The following INPP5F variants were observed in gnomAD, a reference collection of about 807,000 sequenced individuals.
INPP5F encodes the protein phosphatidylinositide 4-phosphatase SAC2.
Under a neutral mutation model 137.2 loss-of-function variants are expected in INPP5F, and 97 were observed. The observed-to-expected ratio is 0.71, with a 90% CI of 0.60 to 0.84. INPP5F has a LOEUF of 0.84. Among genes scored for constraint, INPP5F ranks in the 40% least tolerant of loss-of-function variants. The pLI is 0.00. For synonymous variants in INPP5F, 504 were observed against 476.9 expected (o/e 1.06, Z -0.74); for missense variants, 1,271 against 1,371.9 (o/e 0.93, Z 1.16).
At chr10:119,762,418 C>T (rs538639837) in intron 2 of INPP5F, among the ~76,000 whole-genome samples, 1 of 152,162 alleles carries the variant, frequency 6.6e-6, no homozygotes, top group Non-Finnish European at 1.5e-5. Context: ...GCACTAATCC[C>T]ATTTGTGATG....
chr10:119,750,076 A>T (rs1042451114), intron 1 of INPP5F, among the ~76,000 whole-genome samples: 2 of 152,190 alleles, frequency 1.3e-5, no homozygotes, highest in Non-Finnish European at 2.9e-5. Context: ...GCCAAAAACA[A>T]GTCAACTTTT....
intron 2 of INPP5F, among the ~76,000 whole-genome samples, chr10:119,776,122 G>A (rs1849514879): frequency 6.6e-6 from 1 of 152,104 alleles, no homozygotes; most frequent in South Asian, 2.1e-4. Flanking sequence ...AGCAAATGAT[G>A]GAGCTAAAAT....
chr10:119,790,440 A>G (rs1768329850), intron 3 of INPP5F, among the ~76,000 whole-genome samples: 1 of 152,196 alleles, frequency 6.6e-6, no homozygotes, highest in South Asian at 2.1e-4. Flanking sequence ...CTGTGTGGAC[A>G]GTTTTTGATA....
intron 15 of INPP5F, among the ~76,000 whole-genome samples, chr10:119,818,332 G>A (rs1851373828): frequency 6.6e-6 from 1 of 152,246 alleles, no homozygotes; most frequent in Non-Finnish European, 1.5e-5. Context: ...AACTTGCTTC[G>A]ACTTGCTTCC....
chr10:119,787,418 C>T lies in INPP5F; in HGVS notation c.316-4099C>T, dbSNP rs565344542. ...TGGCCAACATGGTGAAACCCTGTCT[C>T]TACTAAAAATACAAAACTTAGCCAG... On this transcript the variant is annotated intron_variant, in intron 3 of 19. Transcript: ENST00000650623. This position sits in a 1 kb window ranked among gnomAD's most constrained non-coding sequence, Gnocchi z 4.1. 3.5e-4 allele frequency among the ~76,000 whole-genome samples: 54 copies of T among 152,234 alleles called. No homozygotes were observed. Among genetic ancestry groups the T allele is most frequent in the Middle Eastern group, 3.4e-3 (1 of 294 alleles).
Position 119,797,648 on chromosome 10 carries a change from G to A in INPP5F, c.1048+8G>A. The A allele has an allele frequency of 6.3e-7, 1 of 1,587,196 alleles. No individual in the cohort carries two copies. The highest frequency in any genetic ancestry group is 1.3e-5 in the African/African-American group (1 of 74,098). On this transcript the variant is annotated splice_region_variant and intron_variant, in intron 8 of 19. Coordinates refer to ENST00000650623, the MANE Select transcript of INPP5F (RefSeq NM_014937.4). ...GACCGCGGCTGGACAGAAGTAAGCA[G>A]GTCAATTATTGGGTTTGCAAATGAT...
intron 4 of INPP5F, 71 bp downstream of exon 4, chr10:119,791,716 T>C: frequency 1.4e-6 from 2 of 1,426,728 alleles, no homozygotes; most frequent in African/African-American, 1.4e-5. Flanking sequence ...AATTCTCCAC[T>C]CAGAAAATTT....
Position 119,795,123 on chromosome 10 carries a change from G to C in INPP5F, c.670-1592G>C, listed in dbSNP as rs1341871509. On this transcript the variant is annotated intron_variant, in intron 6 of 19. Transcript: ENST00000650623. Reference sequence around the variant, plus strand: ...TCCCGGACGGGGCGGCTGGCCGGGCGGGGGGCTGACCCCCCCACCTCCCTC... The same window carrying C: ...TCCCGGACGGGGCGGCTGGCCGGGCCGGGGGCTGACCCCCCCACCTCCCTC... Among the ~76,000 whole-genome samples, 16 of 144,810 alleles carry C rather than the reference G, an allele frequency of 1.1e-4. No individual in the cohort carries two copies. The East Asian group carries it at 1.7e-3, about 15-fold the overall frequency.
chr10:119,792,705 G>C (rs557318525), intron 6 of INPP5F, among the ~76,000 whole-genome samples: 26 of 151,678 alleles, frequency 1.7e-4, no homozygotes, highest in South Asian at 6.3e-4. Flanking sequence ...TGAGATTATT[G>C]CAAGAAGTTC....
At chr10:119,791,702 A>T in intron 4 of INPP5F, 57 bp downstream of exon 4, 2 of 1,471,228 alleles carry the variant, frequency 1.4e-6, no homozygotes, top group Non-Finnish European at 1.9e-6. Context: ...TTAAATAGAG[A>T]GATAATTCTC....
intron 1 of INPP5F, among the ~76,000 whole-genome samples, chr10:119,749,656 T>C (rs1848636472): frequency 1.3e-5 from 2 of 152,220 alleles, no homozygotes; most frequent in South Asian, 4.1e-4. Flanking sequence ...CCTGACCATG[T>C]TTTACTTTTC....
chr10:119,772,562 A>T (rs987319155), intron 2 of INPP5F, among the ~76,000 whole-genome samples: 1 of 152,214 alleles, frequency 6.6e-6, no homozygotes, highest in East Asian at 1.9e-4. Context: ...TGTTCATTTT[A>T]TGACTTCTGG....
chr10:119,772,635 G>C (rs1849400585), intron 2 of INPP5F, among the ~76,000 whole-genome samples: 1 of 152,046 alleles, frequency 6.6e-6, no homozygotes, highest in Non-Finnish European at 1.5e-5. Context: ...GCTATATTTT[G>C]TTTTGCTTTT....
chr10:119,812,037 T>A, intron 15 of INPP5F, 82 bp downstream of exon 15: 1 of 1,132,130 alleles, frequency 8.8e-7, no homozygotes, highest in Non-Finnish European at 1.3e-6. Flanking sequence ...CAGTTGTCCC[T>A]AAAGCTGTGG....
intron 7 of INPP5F, 99 bp from the exon 8 acceptor site, chr10:119,797,362 G>A (rs1850422421): frequency 7.3e-6 from 7 of 956,144 alleles, no homozygotes; most frequent in South Asian, 1.7e-5. Context: ...AATCCCCAAG[G>A]CTATCCTGGA....
chr10:119,778,559 G>A (rs1274391566), intron 2 of INPP5F, among the ~76,000 whole-genome samples: 1 of 152,002 alleles, frequency 6.6e-6, no homozygotes, highest in Non-Finnish European at 1.5e-5. Flanking sequence ...GCTTCTTTCT[G>A]TCTTGTGTTT....
chr10:119,776,843 T>G (rs1382041516), intron 2 of INPP5F, among the ~76,000 whole-genome samples: 1 of 152,062 alleles, frequency 6.6e-6, no homozygotes, highest in Non-Finnish European at 1.5e-5. Context: ...CTTGAACTCC[T>G]GGGCTCAAAT....
At chr10:119,812,724 AT>A (rs1851091722) in intron 15 of INPP5F, among the ~76,000 whole-genome samples, 1 of 152,146 alleles carries the variant, frequency 6.6e-6, no homozygotes, top group Non-Finnish European at 1.5e-5. Flanking sequence ...AATCTCATGG[AT>A]TTTTTTCACT....
chr10:119,739,610 C>G (rs12781608), intron 1 of INPP5F, among the ~76,000 whole-genome samples: 5,954 of 152,196 alleles, frequency 0.039, 174 homozygotes, highest in South Asian at 0.14. Context: ...GGGATTCAGA[C>G]TTAATAGTCT....
Sources: allele counts gnomAD v4.1 joint callset (sites outside exome capture counted in the v4.1 genomes callset), GRCh38; gene constraint gnomAD v4.1.1; non-coding constraint Gnocchi (gnomAD v3.1); transcripts MANE v1.5; gene names NCBI Gene and HGNC (gene_info 2026-07-23, HGNC 2026-07-21).